ZCCHC8: variants seen among roughly 807,000 people sequenced by gnomAD.
ZCCHC8 encodes zinc finger CCHC domain-containing protein 8.
ZCCHC8 carries 27 observed loss-of-function variants against 70.6 expected under a neutral mutation model. The ratio of observed to expected loss-of-function variants is 0.38; its 90% CI spans 0.28 to 0.53. ZCCHC8 has a LOEUF of 0.53. Among genes scored for constraint, ZCCHC8 ranks in the 20% least tolerant of loss-of-function variants. The probability of loss-of-function intolerance (pLI) is 0.81; values close to 1 mark genes in which losing one functional copy is unlikely to be tolerated. For missense variants in ZCCHC8, 737 were observed against 876.9 expected (o/e 0.84, Z 2.01); for synonymous variants, 293 against 317.4 (o/e 0.92, Z 0.82).
rs368211759 is a variant in ZCCHC8 at position 122,474,082 on chromosome 12, G to A, written c.1539C>T (p.Asp513=). The A allele has an allele frequency of 5.3e-5, 80 of 1,518,540 alleles. No homozygotes were observed. Among genetic ancestry groups the A allele is most frequent in the Admixed American group, 1.1e-4 (5 of 44,008 alleles). The allele number at this position is 1,518,540 out of a possible 1,614,324, so 94.1% of individuals were successfully genotyped here. Residue 513 remains aspartate, a synonymous_variant, in exon 14 of 14, where the codon GAC becomes GAT. Coordinates refer to ENST00000633063, the MANE Select transcript of ZCCHC8 (RefSeq NM_017612.5). ...TRTASGAVDE[D]ALTLEELEEQ... is the part of the protein sequence containing the mutation. ...CTTCAAGTTCTTCTAGAGTCAGTGC[G>A]TCCTCATCCACAGCTCCAGATGCTG...
chr12:122,490,076 T>C (rs937356407), intron 4 of ZCCHC8, among the ~76,000 whole-genome samples: 1 of 152,028 alleles, frequency 6.6e-6, no homozygotes, highest in Admixed American at 6.6e-5. Context: ...ATTCACATAG[T>C]AAAACTTCTC....
chr12:122,493,836 A>G (rs1260097162), intron 2 of ZCCHC8, among the ~76,000 whole-genome samples: 2 of 151,726 alleles, frequency 1.3e-5, no homozygotes, highest in Non-Finnish European at 2.9e-5. Flanking sequence ...GATGGTCTCG[A>G]TCTCCTGACC....
Position 122,500,283 on chromosome 12 carries a change from C to T in ZCCHC8, c.199+359G>A. ...ACATGACGGCACAATTTGAGCGTGG[C>T]TGCGAAATATGAAACCTCACCACGA... On this transcript the variant is annotated intron_variant, in intron 1 of 13. Transcript: ENST00000633063. The surrounding 1 kb of genome is among the most constrained non-coding windows in gnomAD (Gnocchi z 4.8). 4.2e-6 allele frequency: 1 copy of T among 238,560 alleles called. No individual in the cohort carries two copies. The highest frequency in any genetic ancestry group is 1.1e-4 in the East Asian group (1 of 9,308). The allele number at this position is 238,560 out of a possible 1,614,324, so 14.8% of individuals were successfully genotyped here.
chr12:122,490,682 T>G (rs1432773587), intron 3 of ZCCHC8, 115 bp from the exon 4 acceptor site: 1 of 582,224 alleles, frequency 1.7e-6, no homozygotes, highest in Non-Finnish European at 2.9e-6. Flanking sequence ...TTCAGAAGTT[T>G]AATAAATCAC....
chr12:122,476,810 G>A (rs1399322762), intron 13 of ZCCHC8, among the ~76,000 whole-genome samples: 1 of 152,020 alleles, frequency 6.6e-6, no homozygotes, highest in Non-Finnish European at 1.5e-5. Context: ...ATCACCTGAG[G>A]TCAGGAGCTC....
At chr12:122,475,957 CCCT>C (rs1333740415) in intron 13 of ZCCHC8, among the ~76,000 whole-genome samples, 7 of 152,226 alleles carry the variant, frequency 4.6e-5, no homozygotes, top group East Asian at 3.8e-4. Context: ...GTCTCAAATG[CCCT>C]CCTCCTCATT....
chr12:122,477,810 A>ATT, intron 13 of ZCCHC8, 31 bp downstream of exon 13: 2 of 1,214,770 alleles, frequency 1.6e-6, no homozygotes, highest in Non-Finnish European at 2.4e-6. Context: ...AAAAAAAAAG[A>ATT]GAGAAATCAG....
intron 2 of ZCCHC8, among the ~76,000 whole-genome samples, chr12:122,495,847 C>CAAAAAAAAAAAAAAAAAA (rs538311699): frequency 1.3e-5 from 1 of 78,334 alleles, no homozygotes; most frequent in Non-Finnish European, 2.4e-5. Context: ...CACTCTGTCT[C>CAAAAAAAAAAAAAAAAAA]AAAAAAAAAA....
rs574698533 is a variant in ZCCHC8 at position 122,492,368 on chromosome 12, G to A, written c.317+347C>T. On this transcript the variant is annotated intron_variant, in intron 3 of 13. Transcript: ENST00000633063. Reference sequence around the variant, plus strand: ...CATCATTGTTATTGTTACAGTGATAGTGATGATTTTTATTAGAAGCTATTT... The same window carrying A: ...CATCATTGTTATTGTTACAGTGATAATGATGATTTTTATTAGAAGCTATTT... 82 of 190,638 alleles carry A rather than the reference G, an allele frequency of 4.3e-4. 1 individual carries two copies. The South Asian group carries it at 1.0e-2, about 23-fold the overall frequency. The allele number at this position is 190,638 out of a possible 1,614,324, so 11.8% of individuals were successfully genotyped here.
Position 122,473,679 on chromosome 12 carries a change from T to C in ZCCHC8, c.1942A>G (p.Thr648Ala). The C allele has an allele frequency of 6.2e-7, 1 of 1,613,994 alleles. No homozygotes were observed. The highest frequency in any genetic ancestry group is 8.5e-7 in the Non-Finnish European group (1 of 1,179,880). ...GGSQKLFPADTSPSTATKIHS... is the reference protein window; with the variant it reads ...GGSQKLFPADASPSTATKIHS... The stretch of plus-strand genomic sequence containing the variant: ...ATTTTAGTGGCCGTTGAAGGACTGG[T>C]GTCTGCAGGAAAGAGCTTCTGGCTG... Residue 648 changes from threonine (T) to alanine (A), a missense_variant, in exon 14 of 14, where the codon ACC becomes GCC. Thr to Ala is a moderately conservative substitution (Grantham distance 58, BLOSUM62 0). Coordinates refer to ENST00000633063, the MANE Select transcript of ZCCHC8 (RefSeq NM_017612.5).
Position 122,490,557 on chromosome 12 carries a change from G to C in ZCCHC8, c.328C>G (p.Gln110Glu), listed in dbSNP as rs1957726068. ...TTTGATACAAATTCCTCTATTTCTT[G>C]ATGATATTGCCTGTGTAAGAGGACA... ...MNNAISKQYH[Q>E]EIEEFVSNLV... The change falls in exon 4 of 14, where the codon CAA becomes GAA. Residue 110 changes from glutamine (Q) to glutamate (E), a missense_variant. Transcript: ENST00000633063. 6.2e-7 allele frequency: 1 copy of C among 1,604,502 alleles called. No homozygotes were observed. Among genetic ancestry groups the C allele is most frequent in the East Asian group, 2.2e-5 (1 of 44,808 alleles).
At chr12:122,492,249 G>C (rs1957760067) in intron 3 of ZCCHC8, 1 of 169,126 alleles carries the variant, frequency 5.9e-6, no homozygotes, top group Admixed American at 6.4e-5. Context: ...CAAAAGTCTA[G>C]TTTTGCTGTT....
At chr12:122,487,517 T>C (rs962295941) in intron 5 of ZCCHC8, among the ~76,000 whole-genome samples, 2 of 152,230 alleles carry the variant, frequency 1.3e-5, no homozygotes, top group Admixed American at 6.5e-5. Context: ...TTCACTTTTA[T>C]GAATGAGAAG....
At position 122,482,515 on chromosome 12, in the gene ZCCHC8, C is replaced by T. The variant is rs1299189313; in HGVS notation, c.732+120G>A. 8.0e-6 allele frequency: 5 copies of T among 627,510 alleles called. 1 individual carries two copies. The Admixed American group carries it at 1.8e-4, about 23-fold the overall frequency. The allele number at this position is 627,510 out of a possible 1,614,324, so 38.9% of individuals were successfully genotyped here. ...TTTGAAAAGATTTCAAATTAAAGGA[C>T]ACAAGATTTCAAATTAAAGGAACAA... On this transcript the variant is annotated intron_variant, in intron 8 of 13. Transcript: ENST00000633063.
chr12:122,490,296 G>A (rs1331445896), intron 4 of ZCCHC8, among the ~76,000 whole-genome samples, 166 bp downstream of exon 4: 6 of 152,142 alleles, frequency 3.9e-5, no homozygotes, highest in African/African-American at 7.2e-5. Context: ...GTAAAAGAAC[G>A]CTGTGTGGCT....
At position 122,500,876 on chromosome 12, in the gene ZCCHC8, C is replaced by G; in HGVS notation, c.-36G>C. On this transcript the variant is annotated 5_prime_UTR_variant, in exon 1 of 14. Coordinates refer to ENST00000633063, the MANE Select transcript of ZCCHC8 (RefSeq NM_017612.5). The surrounding 1 kb of genome is among the most constrained non-coding windows in gnomAD (Gnocchi z 4.8). ...GGAAAAGATTCGAGAAGAGGCGGAGCCGGCCACCAGGGCTTGGGGAAGAAG... is the reference window on the plus strand; with the variant it reads ...GGAAAAGATTCGAGAAGAGGCGGAGGCGGCCACCAGGGCTTGGGGAAGAAG... The G allele has an allele frequency of 6.5e-7, 1 of 1,548,268 alleles. No individual in the cohort carries two copies. Among genetic ancestry groups the G allele is most frequent in the Non-Finnish European group, 8.7e-7 (1 of 1,145,428 alleles).
Position 122,483,627 on chromosome 12 carries a change from G to T in ZCCHC8, c.502-64C>A. The T allele has an allele frequency of 1.7e-6, 2 of 1,207,672 alleles. No individual in the cohort carries two copies. The highest frequency in any genetic ancestry group is 2.4e-6 in the Non-Finnish European group (2 of 849,704). 74.8% of individuals were successfully genotyped at this position (1,207,672 alleles called of 1,614,324 possible). ...GAAAAAAAGACATTAAATAATGTAA[G>T]ATTATGATTAACTGTTTTAACAATT... On this transcript the variant is annotated intron_variant, in intron 5 of 13. Coordinates refer to ENST00000633063, the MANE Select transcript of ZCCHC8 (RefSeq NM_017612.5). The surrounding 1 kb of genome is among the most constrained non-coding windows in gnomAD (Gnocchi z 4.4).
At chr12:122,485,491 C>T (rs1305686490) in intron 5 of ZCCHC8, among the ~76,000 whole-genome samples, 2 of 152,040 alleles carry the variant, frequency 1.3e-5, no homozygotes, top group Non-Finnish European at 1.5e-5. Context: ...TTCTCCTTTA[C>T]GGTCAAGTTC....
At chr12:122,489,488 A>T in intron 4 of ZCCHC8, 25 bp from the exon 5 acceptor site, 1 of 1,600,134 alleles carries the variant, frequency 6.2e-7, no homozygotes, top group Non-Finnish European at 8.6e-7. Flanking sequence ...AACACATATT[A>T]CAACCGGTAA....
Sources: allele counts gnomAD v4.1 joint callset (sites outside exome capture counted in the v4.1 genomes callset), GRCh38; gene constraint gnomAD v4.1.1; non-coding constraint Gnocchi (gnomAD v3.1); transcripts MANE v1.5; gene names NCBI Gene and HGNC (gene_info 2026-07-23, HGNC 2026-07-21).